Variants in CFAP299 observed in about 807,000 individuals in gnomAD.
The protein encoded by CFAP299 is cilia- and flagella-associated protein 299.
In CFAP299, 21 loss-of-function variants were observed where a neutral mutation model predicts 27.0. That is an observed-to-expected ratio of 0.78 (90% CI 0.55 to 1.12). The LOEUF (loss-of-function observed/expected upper bound fraction) is 1.12, where lower values mean the gene tolerates loss of function less well. CFAP299 is among the 50% of genes most tolerant of loss of function. The pLI, the probability that CFAP299 is intolerant of heterozygous loss-of-function variation, is 0.00. For missense variants in CFAP299, 310 were observed against 276.6 expected, an observed-to-expected ratio of 1.12 and a Z score of -0.86; for synonymous variants, 104 against 98.1, an observed-to-expected ratio of 1.06 and a Z score of -0.36.
chr4:80,450,752 T>C lies in CFAP299; in HGVS notation c.242+87868T>C, dbSNP rs144447359. 1.5e-4 allele frequency among the ~76,000 whole-genome samples: 23 copies of C among 152,132 alleles called. No homozygotes were observed. The East Asian group carries it at 4.4e-3, about 29-fold the overall frequency. On this transcript the variant is annotated intron_variant, in intron 2 of 5. Coordinates refer to ENST00000358105, the MANE Select transcript of CFAP299 (RefSeq NM_152770.3). ...AAAAGAGATTTTAAAAACTGATGAG[T>C]ATAATAAAATCCTAGTTGTTAAAAT...
At chr4:80,534,087 T>C (rs956061709) in intron 2 of CFAP299, among the ~76,000 whole-genome samples, 1 of 152,100 alleles carries the variant, frequency 6.6e-6, no homozygotes, top group Non-Finnish European at 1.5e-5. Flanking sequence ...ACATCTACCA[T>C]GCTACATACT....
intron 3 of CFAP299, among the ~76,000 whole-genome samples, chr4:80,609,457 T>C (rs1279495198): frequency 6.6e-6 from 1 of 152,088 alleles, no homozygotes; most frequent in South Asian, 2.1e-4. Flanking sequence ...AAGGTTGGTT[T>C]ATAGGGTTTA....
At chr4:80,594,194 G>T (rs1410786938) in intron 3 of CFAP299, among the ~76,000 whole-genome samples, 1 of 152,158 alleles carries the variant, frequency 6.6e-6, no homozygotes, top group Non-Finnish European at 1.5e-5. Context: ...AGTTCCACAT[G>T]GCTCAGGTAG....
At chr4:80,534,628 TATATGTTTAAAGTATAAAGAC>T (rs1156619351) in intron 2 of CFAP299, among the ~76,000 whole-genome samples, 20 of 152,260 alleles carry the variant, frequency 1.3e-4, no homozygotes, top group South Asian at 1.2e-3. Context: ...AATTTTCTAC[TATATGTTTAAAGTATAAAGAC>T]ATATGTTTAA....
chr4:80,854,886 A>G (rs1731754947), intron 3 of CFAP299, among the ~76,000 whole-genome samples: 1 of 151,416 alleles, frequency 6.6e-6, no homozygotes, highest in African/African-American at 2.4e-5. Context: ...TCTAAACTAG[A>G]TAGAAGGATG....
intron 2 of CFAP299, among the ~76,000 whole-genome samples, chr4:80,388,930 C>T (rs185834982): frequency 7.0e-4 from 106 of 152,012 alleles, no homozygotes; most frequent in East Asian, 1.2e-3. Context: ...TTCCTTGTGT[C>T]GTTTTTTATT....
At chr4:80,889,064 A>G (rs1205716184) in intron 4 of CFAP299, among the ~76,000 whole-genome samples, 1 of 151,410 alleles carries the variant, frequency 6.6e-6, no homozygotes, top group African/African-American at 2.4e-5. Context: ...CTACCTAACA[A>G]TGCATCTTAA....
chr4:80,601,712 G>A (rs113796016), intron 3 of CFAP299, among the ~76,000 whole-genome samples: 8,387 of 152,120 alleles, frequency 0.055, 634 homozygotes, highest in African/African-American at 0.17. Flanking sequence ...TGCTTGATCC[G>A]GGTGAGATAA....
At chr4:80,696,257 C>G (rs924685234) in intron 3 of CFAP299, among the ~76,000 whole-genome samples, 4 of 148,820 alleles carry the variant, frequency 2.7e-5, no homozygotes, top group African/African-American at 9.9e-5. Context: ...GCCAGTCACA[C>G]CACTGCACTC....
chr4:80,590,281 A>AT (rs1036225064), intron 3 of CFAP299, among the ~76,000 whole-genome samples: 14 of 152,190 alleles, frequency 9.2e-5, no homozygotes, highest in African/African-American at 2.7e-4. Flanking sequence ...TACTAACTGT[A>AT]TTTAATAGAA....
chr4:80,949,917 C>T (rs79945256), intron 5 of CFAP299, among the ~76,000 whole-genome samples: 3,135 of 151,870 alleles, frequency 0.021, 115 homozygotes, highest in East Asian at 0.14. Flanking sequence ...GCAGTACAGA[C>T]GAGGGAGGAA....
chr4:80,636,150 C>T (rs763880894), intron 3 of CFAP299, among the ~76,000 whole-genome samples: 1 of 152,148 alleles, frequency 6.6e-6, no homozygotes, highest in Non-Finnish European at 1.5e-5. Flanking sequence ...TTCTCTGAAA[C>T]CTTCCTCCTT....
At chr4:80,843,656 C>G (rs1730994398) in intron 3 of CFAP299, among the ~76,000 whole-genome samples, 1 of 152,148 alleles carries the variant, frequency 6.6e-6, no homozygotes, top group Admixed American at 6.5e-5. Context: ...AATCGCCACA[C>G]TGTCTTCCAC....
chr4:80,415,412 G>A (rs1196605455), intron 2 of CFAP299, among the ~76,000 whole-genome samples: 2 of 152,144 alleles, frequency 1.3e-5, no homozygotes, highest in Non-Finnish European at 1.5e-5. Flanking sequence ...GTGTAGTCAA[G>A]TACTAATTTG....
At chr4:80,683,769 G>T (rs1450411037) in intron 3 of CFAP299, among the ~76,000 whole-genome samples, 1 of 152,154 alleles carries the variant, frequency 6.6e-6, no homozygotes, top group Non-Finnish European at 1.5e-5. Flanking sequence ...TTGGATTTGA[G>T]ATATAACAAC....
chr4:80,387,205 G>C lies in CFAP299; in HGVS notation c.242+24321G>C, dbSNP rs562602356. On this transcript the variant is annotated intron_variant, in intron 2 of 5. Transcript: ENST00000358105. Reference sequence around the variant, plus strand: ...GGAGGCTGTGGGAGTACTGGTGCACGCTCAGGTCGTACATCGGGGGTAAGT... The same window carrying C: ...GGAGGCTGTGGGAGTACTGGTGCACCCTCAGGTCGTACATCGGGGGTAAGT... 4.0e-5 allele frequency: 55 copies of C among 1,380,332 alleles called. 2 individuals are homozygous for C. The East Asian group carries it at 1.0e-3, about 25-fold the overall frequency. The allele number at this position is 1,380,332 out of a possible 1,614,324, so 85.5% of individuals were successfully genotyped here.
chr4:80,765,704 A>T (rs1336998623), intron 3 of CFAP299, among the ~76,000 whole-genome samples: 8 of 152,102 alleles, frequency 5.3e-5, no homozygotes, highest in African/African-American at 1.9e-4. Context: ...AAATGTAAAC[A>T]AAAACTAAAT....
intron 2 of CFAP299, chr4:80,386,723 A>G (rs1456934380): frequency 1.3e-6 from 2 of 1,562,834 alleles, no homozygotes; most frequent in Non-Finnish European, 1.8e-6. Context: ...GTGGAGCTTC[A>G]TGCCGGAGTG....
chr4:80,641,570 T>C (rs1034678457), intron 3 of CFAP299, among the ~76,000 whole-genome samples: 7 of 152,200 alleles, frequency 4.6e-5, no homozygotes, highest in African/African-American at 1.7e-4. Flanking sequence ...TTTGCCCTAT[T>C]TATCAACTTA....
Sources: allele counts gnomAD v4.1 joint callset (sites outside exome capture counted in the v4.1 genomes callset), GRCh38; gene constraint gnomAD v4.1.1; transcripts MANE v1.5; gene names NCBI Gene and HGNC (gene_info 2026-07-23, HGNC 2026-07-21).